SLC25A48: variants seen among roughly 807,000 people sequenced by gnomAD.
The protein encoded by SLC25A48 is CTC-321K16.1.
Under a neutral mutation model 32.2 loss-of-function variants are expected in SLC25A48, and 29 were observed. The observed-to-expected ratio is 0.90, with a 90% CI of 0.67 to 1.23. The LOEUF (loss-of-function observed/expected upper bound fraction) is 1.23. Among genes scored for constraint, SLC25A48 ranks in the 50% most tolerant of loss-of-function variants. The pLI, the probability that SLC25A48 is intolerant of heterozygous loss-of-function variation, is 0.00. For synonymous variants in SLC25A48, 164 were observed against 172.3 expected, an observed-to-expected ratio of 0.95 and a Z score of 0.38; for missense variants, 399 against 422.7, an observed-to-expected ratio of 0.94 and a Z score of 0.49.
chr5:135,747,140 T>C (rs1755660802), intron 3 of SLC25A48, among the ~76,000 whole-genome samples: 1 of 151,988 alleles, frequency 6.6e-6, no homozygotes, highest in Non-Finnish European at 1.5e-5. Context: ...AATTAACAAG[T>C]ATTCTCTGGG....
At chr5:135,669,157 C>A (rs1009286789) in intron 3 of SLC25A48, among the ~76,000 whole-genome samples, 1 of 152,128 alleles carries the variant, frequency 6.6e-6, no homozygotes, top group African/African-American at 2.4e-5. Context: ...CATGAGAGGC[C>A]AGTTGATGTG....
At chr5:135,579,586 G>C (rs996375971) in exon 1 of SLC25A48, 2 of 152,394 alleles carry the variant, frequency 1.3e-5, no homozygotes, top group African/African-American at 4.8e-5. Context: ...CACTGGAACT[G>C]ACTCAAAGAG....
chr5:135,674,065 A>G (rs1753716142), intron 3 of SLC25A48, among the ~76,000 whole-genome samples: 1 of 151,802 alleles, frequency 6.6e-6, no homozygotes, highest in Non-Finnish European at 1.5e-5. Flanking sequence ...TTTATGTTTC[A>G]TTTGTTAATA....
chr5:135,592,915 T>A (rs990790378), intron 1 of SLC25A48, among the ~76,000 whole-genome samples: 2 of 152,006 alleles, frequency 1.3e-5, no homozygotes, highest in Admixed American at 1.3e-4. Flanking sequence ...CAGTGTGGGG[T>A]AGAGCTTGAG....
At chr5:135,770,709 C>G (rs2126608558) in intron 3 of SLC25A48, among the ~76,000 whole-genome samples, 1 of 151,360 alleles carries the variant, frequency 6.6e-6, no homozygotes, top group East Asian at 2.0e-4. Flanking sequence ...TAATGTTGCT[C>G]CAAATATCAA....
At chr5:135,829,194 C>T (rs1384039044) in intron 4 of SLC25A48, among the ~76,000 whole-genome samples, 1 of 152,232 alleles carries the variant, frequency 6.6e-6, no homozygotes, top group African/African-American at 2.4e-5. Context: ...ACTCAAACTC[C>T]TCTGAGTCCC....
At chr5:135,871,320 G>T (rs1020174075) in intron 4 of SLC25A48, 141 bp from the exon 5 acceptor site, 5 of 1,018,034 alleles carry the variant, frequency 4.9e-6, no homozygotes, top group Non-Finnish European at 6.9e-6. Context: ...GGTTTGAGCT[G>T]CCAAGAAGGT....
chr5:135,873,875 C>G, intron 5 of SLC25A48, 146 bp from the exon 6 acceptor site: 2 of 880,974 alleles, frequency 2.3e-6, no homozygotes. Flanking sequence ...GAGGGAGAAT[C>G]AGAAACAAAC....
At chr5:135,799,838 G>A (rs952400592) in intron 3 of SLC25A48, among the ~76,000 whole-genome samples, 1 of 151,800 alleles carries the variant, frequency 6.6e-6, no homozygotes, top group Middle Eastern at 3.4e-3. Flanking sequence ...ATCGCAAAGA[G>A]TGTACAACCC....
At chr5:135,766,836 GAT>G (rs1756245883) in intron 3 of SLC25A48, among the ~76,000 whole-genome samples, 1 of 151,228 alleles carries the variant, frequency 6.6e-6, no homozygotes, top group Admixed American at 6.6e-5. Context: ...ACCATCTTGC[GAT>G]ATATTTTGTA....
At chr5:135,833,356 G>A (rs973430456), upstream of SLC25A48, among the ~76,000 whole-genome samples, 2 of 152,224 alleles carry the variant, frequency 1.3e-5, no homozygotes, top group East Asian at 3.9e-4. Flanking sequence ...CAAACTGCCT[G>A]GCACCCCTTA....
chr5:135,625,885 C>T lies in SLC25A48; in HGVS notation c.-848-3352C>T, dbSNP rs1485849700. The stretch of plus-strand genomic sequence containing the variant: ...TCCTGGTAAGGGGCAGGAGTGGACA[C>T]ATTCTGGGAATGCAGCCAGTTCAGT... On this transcript the variant is annotated intron_variant, in intron 1 of 10. Transcript: ENST00000646290. Among the ~76,000 whole-genome samples, 3 of 152,156 alleles carry T rather than the reference C, an allele frequency of 2.0e-5. No homozygotes were observed. In the East Asian group the frequency reaches 5.8e-4, roughly 29 times the overall value.
intron 1 of SLC25A48, among the ~76,000 whole-genome samples, chr5:135,592,494 T>A (rs1751551045): frequency 6.6e-6 from 1 of 152,152 alleles, no homozygotes; most frequent in South Asian, 2.1e-4. Flanking sequence ...CACTGGCAAA[T>A]GCACACCATT....
At chr5:135,707,272 C>G (rs1186270808) in intron 3 of SLC25A48, among the ~76,000 whole-genome samples, 1 of 152,202 alleles carries the variant, frequency 6.6e-6, no homozygotes, top group Admixed American at 6.5e-5. Context: ...GATAAGCCAG[C>G]TTTGCAGCCC....
chr5:135,823,002 G>A (rs1187603207), intron 4 of SLC25A48, among the ~76,000 whole-genome samples: 1 of 152,152 alleles, frequency 6.6e-6, no homozygotes, highest in Non-Finnish European at 1.5e-5. Context: ...CCAGAAGCTG[G>A]CAGTCTATGG....
chr5:135,598,543 C>T (rs936063914), intron 1 of SLC25A48, among the ~76,000 whole-genome samples: 7 of 152,190 alleles, frequency 4.6e-5, no homozygotes, highest in African/African-American at 1.7e-4. Context: ...GCTGGCTACC[C>T]TGCAGACTGG....
chr5:135,886,631 ATAT>A (rs1561567734), intron 7 of SLC25A48, among the ~76,000 whole-genome samples: 1,802 of 25,256 alleles, frequency 0.071, 178 homozygotes, highest in South Asian at 0.12. Context: ...ATATATATAT[ATAT>A]ATAAAATATA....
At chr5:135,657,491 C>T (rs1248159909) in intron 3 of SLC25A48, among the ~76,000 whole-genome samples, 1 of 152,252 alleles carries the variant, frequency 6.6e-6, no homozygotes, top group African/African-American at 2.4e-5. Context: ...CAACAGTTAT[C>T]CCTTGCTCTT....
intron 3 of SLC25A48, among the ~76,000 whole-genome samples, chr5:135,767,998 G>T (rs1756291365): frequency 1.4e-5 from 2 of 146,520 alleles, no homozygotes; most frequent in South Asian, 4.4e-4. Context: ...ATCACAGCGG[G>T]TGTACACACC....
Sources: gnomAD v4.1 joint callset for allele counts (sites outside exome capture counted in the v4.1 genomes callset) on GRCh38, gnomAD v4.1.1 for gene constraint, MANE v1.5 for transcripts, NCBI Gene and HGNC (gene_info 2026-07-23, HGNC 2026-07-21) for gene names.